The following GALNT1 variants were observed in gnomAD, a reference collection of about 807,000 sequenced individuals.
GALNT1 encodes polypeptide N-acetylgalactosaminyltransferase 1, also known as GalNAc transferase 1.
Under a neutral mutation model 65.7 loss-of-function variants are expected in GALNT1, and 17 were observed. The ratio of observed to expected loss-of-function variants is 0.26; its 90% CI spans 0.18 to 0.39. GALNT1 has a LOEUF of 0.39. GALNT1 is among the 10% of genes least tolerant of loss of function. The probability of loss-of-function intolerance (pLI) is 1.00; values close to 1 mark genes in which losing one functional copy is unlikely to be tolerated. For missense variants in GALNT1, 460 were observed against 672.8 expected (o/e 0.68, Z 3.50); for synonymous variants, 210 against 219.7 (o/e 0.96, Z 0.39).
At chr18:35,703,021 AG>A (rs766758013) in intron 10 of GALNT1, 26 bp downstream of exon 10, 2 of 1,366,712 alleles carry the variant, frequency 1.5e-6, no homozygotes, top group Non-Finnish European at 2.0e-6. Context: ...AACTCTTAAA[AG>A]GGATAATTTT....
intron 1 of GALNT1, among the ~76,000 whole-genome samples, chr18:35,627,930 C>G (rs568624235): frequency 6.6e-6 from 1 of 150,554 alleles, no homozygotes; most frequent in African/African-American, 2.4e-5. Flanking sequence ...TATCCCGTGC[C>G]TGGCTCGGAG....
At position 35,602,911 on chromosome 18, in the gene GALNT1, T is replaced by C. The variant is rs1053282482; in HGVS notation, c.-104+21049T>C. ...ATAATTCCCTGTTTGCTGTTTCTTG[T>C]GGATGTATGTCTATGACTTCACATT... is the stretch of plus-strand genomic sequence containing the variant. On this transcript the variant is annotated intron_variant, in intron 1 of 11. Coordinates refer to ENST00000269195, the MANE Select transcript of GALNT1 (RefSeq NM_020474.4). Among the ~76,000 whole-genome samples the C allele has an allele frequency of 3.3e-5, 5 of 152,224 alleles. No homozygotes were observed. The East Asian group carries it at 9.6e-4, about 29-fold the overall frequency.
chr18:35,636,794 T>G (rs57730577), intron 1 of GALNT1, among the ~76,000 whole-genome samples: 31 of 143,452 alleles, frequency 2.2e-4, no homozygotes, highest in East Asian at 4.3e-4. Flanking sequence ...TTTTTTTTTT[T>G]TTTTTTTTTT....
intron 2 of GALNT1, among the ~76,000 whole-genome samples, chr18:35,658,663 C>G (rs1252850762): frequency 1.3e-5 from 2 of 150,682 alleles, no homozygotes; most frequent in Non-Finnish European, 2.9e-5. Context: ...AGGATGCCAA[C>G]TTTCTAGTGG....
intron 10 of GALNT1, 118 bp from the exon 11 acceptor site, chr18:35,703,391 A>G (rs1382628402): frequency 2.2e-6 from 2 of 913,608 alleles, no homozygotes; most frequent in East Asian, 2.6e-5. Context: ...CATTACTTTA[A>G]TAAAGTACAT....
At chr18:35,636,667 A>G (rs140225871) in intron 1 of GALNT1, among the ~76,000 whole-genome samples, 1,708 of 152,312 alleles carry the variant, frequency 0.011, 25 homozygotes, top group Middle Eastern at 0.02. Context: ...CACAGTATCA[A>G]GAACATCATT....
chr18:35,687,074 G>T lies in GALNT1; in HGVS notation c.748G>T (p.Ala250Ser). Residue 250 changes from alanine (A) to serine (S), a missense_variant, in exon 6 of 12, where the codon GCA becomes TCA. Transcript: ENST00000269195. ...VISDDTFEYM[A>S]GSDMTYGGFN... ...CAGTGATGATACTTTTGAGTACATG[G>T]CAGGCTCTGATATGACCTATGGTGG... The T allele has an allele frequency of 6.2e-7, 1 of 1,613,876 alleles. No homozygotes were observed. Among genetic ancestry groups the T allele is most frequent in the South Asian group, 1.1e-5 (1 of 91,068 alleles).
chr18:35,666,945 A>T (rs566140715), intron 3 of GALNT1, among the ~76,000 whole-genome samples: 26 of 147,834 alleles, frequency 1.8e-4, no homozygotes, highest in South Asian at 4.3e-4. Flanking sequence ...AACCTTTTTT[A>T]AAAAAAAAAA....
intron 7 of GALNT1, 57 bp downstream of exon 7, chr18:35,689,347 T>G (rs1293055138): frequency 2.2e-6 from 2 of 923,110 alleles, no homozygotes; most frequent in African/African-American, 3.4e-5. Context: ...AGATGTGCAT[T>G]GATTATTCAT....
intron 2 of GALNT1, 95 bp downstream of exon 2, chr18:35,654,896 T>A: frequency 1.0e-6 from 1 of 986,988 alleles, no homozygotes; most frequent in Non-Finnish European, 1.4e-6. Context: ...TTTTTTAGAT[T>A]AACTGTAGTC....
chr18:35,635,124 A>G (rs528166683), intron 1 of GALNT1, among the ~76,000 whole-genome samples: 1 of 152,322 alleles, frequency 6.6e-6, no homozygotes, highest in East Asian at 1.9e-4. Flanking sequence ...AAAGGATACA[A>G]TGCAGGAAGA....
At chr18:35,644,186 A>T (rs1462783324) in intron 1 of GALNT1, among the ~76,000 whole-genome samples, 1 of 152,234 alleles carries the variant, frequency 6.6e-6, no homozygotes, top group Non-Finnish European at 1.5e-5. Context: ...GAGAATATCC[A>T]GGTTTTAATG....
chr18:35,605,954 C>G (rs2046641858), intron 1 of GALNT1, among the ~76,000 whole-genome samples: 1 of 152,162 alleles, frequency 6.6e-6, no homozygotes, highest in South Asian at 2.1e-4. Context: ...TCTGGCGAAA[C>G]AATTATGAAT....
chr18:35,657,509 G>A (rs2047409482), intron 2 of GALNT1, among the ~76,000 whole-genome samples: 1 of 152,158 alleles, frequency 6.6e-6, no homozygotes, highest in Non-Finnish European at 1.5e-5. Context: ...GGCTGTGCAT[G>A]GTATGTGTAG....
At position 35,681,552 on chromosome 18, in the gene GALNT1, G is replaced by A. The variant is rs7240017; in HGVS notation, c.482-1839G>A. On this transcript the variant is annotated intron_variant, in intron 4 of 11. Transcript: ENST00000269195. Reference sequence around the variant, plus strand: ...CTTTCAAAGACATATGGGACTTGGGGATTAGATTGCTTTAGTTCTGAAGAA... The same window carrying A: ...CTTTCAAAGACATATGGGACTTGGGAATTAGATTGCTTTAGTTCTGAAGAA... Among the ~76,000 whole-genome samples, 1,361 of 152,098 alleles carry A rather than the reference G, an allele frequency of 8.9e-3. 21 individuals are homozygous for A. Among genetic ancestry groups the A allele is most frequent in the African/African-American group, 0.029 (1,218 of 41,496 alleles).
intron 1 of GALNT1, among the ~76,000 whole-genome samples, chr18:35,640,976 T>C (rs1006300073): frequency 8.5e-5 from 13 of 152,214 alleles, no homozygotes; most frequent in Admixed American, 4.6e-4. Flanking sequence ...ATAGAAAATA[T>C]GAACCGTAAA....
intron 5 of GALNT1, among the ~76,000 whole-genome samples, chr18:35,684,660 C>T (rs1250988513): frequency 6.6e-6 from 1 of 152,138 alleles, no homozygotes. Context: ...ACTTTTCCAA[C>T]TGAAAAAGCT....
intron 9 of GALNT1, 35 bp downstream of exon 9, chr18:35,692,355 A>AT: frequency 7.7e-7 from 1 of 1,297,004 alleles, no homozygotes; most frequent in Non-Finnish European, 1.0e-6. Context: ...CTATGTGGTT[A>AT]TTATGTTCTT....
intron 1 of GALNT1, among the ~76,000 whole-genome samples, chr18:35,627,908 A>G (rs1203448866): frequency 6.6e-6 from 1 of 152,190 alleles, no homozygotes; most frequent in African/African-American, 2.4e-5. Flanking sequence ...CAAACGGCAC[A>G]CCAGGAGATT....
Sources: gnomAD v4.1 joint callset for allele counts (sites outside exome capture counted in the v4.1 genomes callset) on GRCh38, gnomAD v4.1.1 for gene constraint, MANE v1.5 for transcripts, NCBI Gene and HGNC (gene_info 2026-07-23, HGNC 2026-07-21) for gene names.